PDE4B: variants seen among roughly 807,000 people sequenced by gnomAD.
The protein encoded by PDE4B is phosphodiesterase 4B, also known as 3',5'-cyclic-AMP phosphodiesterase 4B.
In PDE4B, 20 loss-of-function variants were observed where a neutral mutation model predicts 82.2. The ratio of observed to expected loss-of-function variants is 0.24; its 90% CI spans 0.17 to 0.35. PDE4B has a LOEUF of 0.35. PDE4B is among the 10% of genes least tolerant of loss of function. The pLI is 1.00. For missense variants in PDE4B, 655 were observed against 907.2 expected, an observed-to-expected ratio of 0.72 and a Z score of 3.57; for synonymous variants, 320 against 318.9, an observed-to-expected ratio of 1.00 and a Z score of -0.04.
chr1:66,325,585 C>T (rs191987219), intron 7 of PDE4B, among the ~76,000 whole-genome samples: 2 of 152,298 alleles, frequency 1.3e-5, no homozygotes, highest in Admixed American at 6.5e-5. Flanking sequence ...CAGGTCAGCT[C>T]TATATTTTAG....
intron 8 of PDE4B, among the ~76,000 whole-genome samples, chr1:66,354,165 T>C (rs1335855670): frequency 1.3e-5 from 2 of 152,230 alleles, no homozygotes; most frequent in African/African-American, 4.8e-5. Flanking sequence ...AAAACAGCCA[T>C]GGTCCTAACC....
chr1:65,979,859 G>A (rs145422495), intron 3 of PDE4B, among the ~76,000 whole-genome samples: 3 of 152,312 alleles, frequency 2.0e-5, no homozygotes, highest in African/African-American at 4.8e-5. Context: ...TATTCTAGTG[G>A]AGGTGTCAGG....
chr1:66,329,114 T>G (rs1659933489), intron 7 of PDE4B, among the ~76,000 whole-genome samples: 1 of 152,194 alleles, frequency 6.6e-6, no homozygotes, highest in Non-Finnish European at 1.5e-5. Flanking sequence ...TGGTGAGCTA[T>G]GTGCGTGCCC....
Position 66,367,801 on chromosome 1 carries a change from A to G in PDE4B, c.1490A>G (p.Asn497Ser). The change falls in exon 14 of 17, where the codon AAT becomes AGT. Residue 497 changes from asparagine (N) to serine (S), a missense_variant. Transcript: ENST00000341517. Reference sequence around the variant, plus strand: ...GAAGAACACTGTGACATCTTCATGAATCTCACCAAGAAGCAGCGTCAGACA... The same window carrying G: ...GAAGAACACTGTGACATCTTCATGAGTCTCACCAAGAAGCAGCGTCAGACA... ...LQEEHCDIFM[N>S]LTKKQRQTLR... The G allele has an allele frequency of 6.2e-7, 1 of 1,613,886 alleles. No homozygotes were observed. The highest frequency in any genetic ancestry group is 8.5e-7 in the Non-Finnish European group (1 of 1,179,836).
At chr1:66,346,980 A>G (rs1234479346) in intron 8 of PDE4B, among the ~76,000 whole-genome samples, 1 of 152,164 alleles carries the variant, frequency 6.6e-6, no homozygotes, top group Non-Finnish European at 1.5e-5. Context: ...GTTACAGTAC[A>G]TATTTTATTT....
chr1:66,157,749 C>G (rs1646528981), intron 3 of PDE4B, among the ~76,000 whole-genome samples: 1 of 152,040 alleles, frequency 6.6e-6, no homozygotes. Context: ...TCCTGTATTC[C>G]CAACATCTAG....
intron 3 of PDE4B, among the ~76,000 whole-genome samples, chr1:66,177,120 G>A (rs1646945692): frequency 6.6e-6 from 1 of 152,222 alleles, no homozygotes; most frequent in Non-Finnish European, 1.5e-5. Flanking sequence ...TGTGACAAGG[G>A]AGGCAGTCCA....
At chr1:66,306,539 G>A (rs533603659) in intron 7 of PDE4B, among the ~76,000 whole-genome samples, 1 of 152,248 alleles carries the variant, frequency 6.6e-6, no homozygotes, top group East Asian at 1.9e-4. Flanking sequence ...TGAAGATAAA[G>A]CTGAGATTTT....
chr1:65,926,287 C>T (rs540236765), intron 3 of PDE4B, among the ~76,000 whole-genome samples: 1 of 152,244 alleles, frequency 6.6e-6, no homozygotes, highest in East Asian at 1.9e-4. Context: ...TGATAGTTTT[C>T]CTTATTTTTA....
chr1:65,823,163 C>A (rs911080195), intron 1 of PDE4B, among the ~76,000 whole-genome samples: 1 of 151,802 alleles, frequency 6.6e-6, no homozygotes, highest in South Asian at 2.1e-4. Flanking sequence ...TTTGGGAGGC[C>A]GAGGCGGATG....
chr1:65,885,181 G>A (rs953043612), intron 1 of PDE4B, among the ~76,000 whole-genome samples: 7 of 152,164 alleles, frequency 4.6e-5, no homozygotes, highest in Admixed American at 2.0e-4. Context: ...ACACCAGTTA[G>A]AATGGTGATC....
intron 3 of PDE4B, among the ~76,000 whole-genome samples, chr1:66,027,665 T>G (rs2100787141): frequency 6.6e-6 from 1 of 152,142 alleles, no homozygotes; most frequent in Non-Finnish European, 1.5e-5. Flanking sequence ...ACAATGGAGG[T>G]ACAGGCATTG....
At chr1:66,111,106 C>A (rs1416415949) in intron 3 of PDE4B, among the ~76,000 whole-genome samples, 1 of 151,984 alleles carries the variant, frequency 6.6e-6, no homozygotes, top group Non-Finnish European at 1.5e-5. Context: ...TGAAATGGTG[C>A]TATTTTAATC....
intron 3 of PDE4B, among the ~76,000 whole-genome samples, chr1:66,061,826 T>A (rs1449412991): frequency 6.6e-6 from 1 of 152,096 alleles, no homozygotes; most frequent in African/African-American, 2.4e-5. Flanking sequence ...AAAACCTAGA[T>A]GATGGGTTGG....
At chr1:66,029,324 A>G (rs1419109717) in intron 3 of PDE4B, among the ~76,000 whole-genome samples, 8 of 152,178 alleles carry the variant, frequency 5.3e-5, no homozygotes, top group Non-Finnish European at 8.8e-5. Flanking sequence ...TCCCTCCCAC[A>G]ACACATGGAA....
chr1:66,289,336 A>T (rs761878685), intron 7 of PDE4B, among the ~76,000 whole-genome samples: 23 of 152,150 alleles, frequency 1.5e-4, no homozygotes, highest in Non-Finnish European at 3.1e-4. Context: ...GACTATAAAC[A>T]GGAAAATAAA....
intron 7 of PDE4B, 140 bp from the exon 8 acceptor site, chr1:66,332,367 AG>A (rs1479572470): frequency 2.5e-6 from 4 of 1,612,118 alleles, no homozygotes; most frequent in Non-Finnish European, 3.4e-6. Flanking sequence ...GAGAGCTGGA[AG>A]GAAGGAGCCA....
chr1:65,905,151 C>T (rs970989040), intron 1 of PDE4B, among the ~76,000 whole-genome samples: 1 of 152,094 alleles, frequency 6.6e-6, no homozygotes, highest in East Asian at 1.9e-4. Flanking sequence ...TTCTGGGAGG[C>T]ATAAACCTAT....
chr1:66,096,562 T>G, intron 3 of PDE4B, among the ~76,000 whole-genome samples: 1 of 140,236 alleles, frequency 7.1e-6, no homozygotes, highest in East Asian at 2.1e-4. Flanking sequence ...AAAGGCTTAG[T>G]ATAAAATTTA....
Sources: gnomAD v4.1 joint callset for allele counts (sites outside exome capture counted in the v4.1 genomes callset) on GRCh38, gnomAD v4.1.1 for gene constraint, MANE v1.5 for transcripts, NCBI Gene and HGNC (gene_info 2026-07-23, HGNC 2026-07-21) for gene names.